The following CPZ variants were observed in gnomAD, a reference collection of about 807,000 sequenced individuals.
CPZ encodes the protein VEZT/CPZ fusion.
In CPZ, 103 loss-of-function variants were observed where a neutral mutation model predicts 61.8. The ratio of observed to expected loss-of-function variants is 1.67; its 90% CI spans 1.42 to 1.96. CPZ has a LOEUF of 1.96. CPZ is among the 30% of genes most tolerant of loss of function. The probability of loss-of-function intolerance (pLI) is 0.00; values close to 1 mark genes in which losing one functional copy is unlikely to be tolerated. For missense variants in CPZ, 1,461 were observed against 914.9 expected (o/e 1.60, Z -7.70); for synonymous variants, 551 against 373.7 (o/e 1.47, Z -5.47).
At chr4:8,612,801 G>T (rs555768565) in intron 8 of CPZ, among the ~76,000 whole-genome samples, 1 of 152,182 alleles carries the variant, frequency 6.6e-6, no homozygotes, top group African/African-American at 2.4e-5. Context: ...AGATGAGAGC[G>T]CTGGGCTCAG....
Position 8,619,421 on chromosome 4 carries a change from C to A in CPZ, c.1763C>A (p.Pro588His), listed in dbSNP as rs2109352903. 6.2e-7 allele frequency: 1 copy of A among 1,614,076 alleles called. No homozygotes were observed. Among genetic ancestry groups the A allele is most frequent in the South Asian group, 1.1e-5 (1 of 91,042 alleles). ...DFILQPLGMG[P>H]KNFIHGLRRT... ...ATTCTGCAACCTCTGGGGATGGGAC[C>A]CAAGAACTTTATTCATGGGCTGCGG... Residue 588 changes from proline (P) to histidine (H), a missense_variant, in exon 11 of 11, where the codon CCC becomes CAC. Coordinates refer to ENST00000360986, the MANE Select transcript of CPZ (RefSeq NM_001014447.3).
chr4:8,617,562 G>A (rs1308071666), intron 9 of CPZ, among the ~76,000 whole-genome samples: 1 of 152,242 alleles, frequency 6.6e-6, no homozygotes, highest in Non-Finnish European at 1.5e-5. Context: ...CTTTTATCCT[G>A]ATTTTAAGAG....
chr4:8,615,399 G>C (rs144380536), intron 9 of CPZ, among the ~76,000 whole-genome samples: 2 of 152,166 alleles, frequency 1.3e-5, no homozygotes, highest in South Asian at 4.1e-4. Context: ...GCCTGCGTTC[G>C]AAGAAGCTTC....
chr4:8,608,502 C>T (rs1056423534), intron 7 of CPZ, among the ~76,000 whole-genome samples: 1 of 152,194 alleles, frequency 6.6e-6, no homozygotes, highest in East Asian at 1.9e-4. Context: ...TCACCTGGGC[C>T]CCTCCCTGTC....
At chr4:8,599,052 T>G (rs55694120) in intron 1 of CPZ, among the ~76,000 whole-genome samples, 20,708 of 152,238 alleles carry the variant, frequency 0.14, 1,790 homozygotes, top group Non-Finnish European at 0.2. Flanking sequence ...TTCTGAGGAC[T>G]CAGCGGCTTA....
intron 7 of CPZ, among the ~76,000 whole-genome samples, chr4:8,608,147 C>T (rs1715205063): frequency 6.6e-6 from 1 of 151,752 alleles, no homozygotes; most frequent in Non-Finnish European, 1.5e-5. Flanking sequence ...CAGCCCCCAG[C>T]CCCCAGCCCC....
intron 3 of CPZ, chr4:8,603,513 C>T (rs1358207691): frequency 8.9e-5 from 15 of 167,962 alleles, no homozygotes; most frequent in Admixed American, 8.6e-4. Flanking sequence ...TCACAGCAGC[C>T]GGAGGGGGCA....
chr4:8,616,150 C>G (rs915423635), intron 9 of CPZ, among the ~76,000 whole-genome samples: 37 of 152,334 alleles, frequency 2.4e-4, no homozygotes. Context: ...CTGGCTGGCT[C>G]TTGAGACGGA....
chr4:8,619,672 G>C lies in CPZ; in HGVS notation c.*55G>C. Reference sequence around the variant, plus strand: ...AGACCGAGGCCCATCTCCGCATCCCGGGCTCCTGGCTCTTGATTTTGTCTG... The same window carrying C: ...AGACCGAGGCCCATCTCCGCATCCCCGGCTCCTGGCTCTTGATTTTGTCTG... On this transcript the variant is annotated 3_prime_UTR_variant, in exon 11 of 11. Transcript: ENST00000360986. 12 of 1,327,906 alleles carry C rather than the reference G, an allele frequency of 9.0e-6. No individual in the cohort carries two copies. The highest frequency in any genetic ancestry group is 1.5e-5 in the African/African-American group (1 of 67,372). 82.3% of individuals were successfully genotyped at this position (1,327,906 alleles called of 1,614,324 possible).
Position 8,608,351 on chromosome 4 carries a change from G to A in CPZ, c.1227+926G>A, listed in dbSNP as rs1484202336. ...GTGTTTGGGGGAAGGAGCAGGGAGAGAGGGACTGGCCCTGGGTGGGCAAGT... is the reference window on the plus strand; with the variant it reads ...GTGTTTGGGGGAAGGAGCAGGGAGAAAGGGACTGGCCCTGGGTGGGCAAGT... On this transcript the variant is annotated intron_variant, in intron 7 of 10. Coordinates refer to ENST00000360986, the MANE Select transcript of CPZ (RefSeq NM_001014447.3). 3.9e-5 allele frequency among the ~76,000 whole-genome samples: 6 copies of A among 152,208 alleles called. No individual in the cohort carries two copies. In the East Asian group the frequency reaches 1.2e-3, roughly 29 times the overall value.
chr4:8,619,600 TG>T lies in CPZ; in HGVS notation c.1944del (p.Trp648CysfsTer48), dbSNP rs774648953. 5.3e-6 allele frequency: 8 copies of T among 1,507,616 alleles called. No homozygotes were observed. Among genetic ancestry groups the T allele is most frequent in the Non-Finnish European group, 7.1e-6 (8 of 1,128,760 alleles). The allele number at this position is 1,507,616 out of a possible 1,614,324, so 93.4% of individuals were successfully genotyped here. A position where few individuals can be genotyped will look rare whatever the true frequency, so the allele number is the denominator to read the frequency against. On this transcript the variant is annotated frameshift_variant, in exon 11 of 11. Coordinates refer to ENST00000360986, the MANE Select transcript of CPZ (RefSeq NM_001014447.3). LOFTEE classifies it high-confidence loss of function. ...ATCGCTGAGCACCCACAGGCCACGC[TG>T]GCTGCTCAAGTACTAGCCCCGGCCC... ...FTSLSTHRPRWLLKY is the reference protein window; with the variant it reads ...FTSLSTHRPRXLLKY
intron 2 of CPZ, 188 bp downstream of exon 2, chr4:8,599,673 T>G: frequency 7.1e-7 from 1 of 1,414,758 alleles, no homozygotes; most frequent in East Asian, 2.6e-5. Flanking sequence ...AAAGACCAGC[T>G]AGGAAAAGGT....
chr4:8,616,325 C>T (rs148881208), intron 9 of CPZ, among the ~76,000 whole-genome samples: 4 of 152,242 alleles, frequency 2.6e-5, no homozygotes, highest in East Asian at 1.9e-4. Flanking sequence ...ACCAGAGAAC[C>T]GCATGTGCCC....
At chr4:8,616,097 A>C (rs1462279467) in intron 9 of CPZ, among the ~76,000 whole-genome samples, 1 of 152,150 alleles carries the variant, frequency 6.6e-6, no homozygotes, top group Non-Finnish European at 1.5e-5. Flanking sequence ...TTGGGATATG[A>C]AGATTTACAG....
intron 7 of CPZ, among the ~76,000 whole-genome samples, chr4:8,610,967 ATCACTCATTCAC>A (rs1396813293): frequency 6.6e-6 from 1 of 152,082 alleles, no homozygotes; most frequent in Non-Finnish European, 1.5e-5. Flanking sequence ...GCCTGGAGCA[ATCACTCATTCAC>A]TCAGTCACTC....
At position 8,619,515 on chromosome 4, in the gene CPZ, C is replaced by T. The variant is rs778826067; in HGVS notation, c.1857C>T (p.Leu619=). ...GGGAGGCCACGGAGCCCGACCCGCT[C>T]CGGGCGCGCAGGCAGCCCTCGGCCG... ...SLGEATEPDP[L]RARRQPSADG... The change falls in exon 11 of 11, where the codon CTC becomes CTT. Residue 619 remains leucine (L), a synonymous_variant. Transcript: ENST00000360986. The T allele has an allele frequency of 6.3e-6, 10 of 1,597,350 alleles. No individual in the cohort carries two copies. The East Asian group carries it at 2.0e-4, about 32-fold the overall frequency.
In CPZ at chr4:8,606,789, A is replaced by C. The variant is rs1265189318; in HGVS notation, c.959A>C (p.Asp320Ala). The C allele has an allele frequency of 6.2e-7, 1 of 1,614,162 alleles. No homozygotes were observed. The highest frequency in any genetic ancestry group is 8.5e-7 in the Non-Finnish European group (1 of 1,180,030). ...GGGAGGCAGAACGCGCAGAACCTGG[A>C]TCTGAACCGAAATTTCCCGGACCTG... ...TSGRQNAQNL[D>A]LNRNFPDLTS... The change falls in exon 6 of 11, where the codon GAT (aspartate) becomes GCT (alanine). Residue 320 changes from aspartate to alanine, a missense_variant. Physicochemically the swap from Asp to Ala is moderately radical, Grantham distance 126. Transcript: ENST00000360986.
chr4:8,598,600 C>T (rs568868509), intron 1 of CPZ, among the ~76,000 whole-genome samples: 3 of 152,268 alleles, frequency 2.0e-5, no homozygotes, highest in South Asian at 4.1e-4. Flanking sequence ...AGCCTGCCCC[C>T]TCTCTGGCCA....
rs140850654 is a variant in CPZ at position 8,606,102 on chromosome 4, C to T, written c.823C>T (p.Arg275Cys). The change falls in exon 5 of 11, where the codon CGC becomes TGC. Residue 275 changes from arginine (R) to cysteine (C), a missense_variant. By Grantham distance (180) the Arg-to-Cys change is radical (BLOSUM62 -3). Transcript: ENST00000360986. ...CTCTGAGTACCTGCTTGGTAACCCC[C>T]GCATCCAGCGCCTGCTCAACACCAC... ...LCSEYLLGNPRIQRLLNTTRI... is the reference protein window; with the variant it reads ...LCSEYLLGNPCIQRLLNTTRI... The T allele has an allele frequency of 2.2e-4, 356 of 1,614,186 alleles. 2 individuals are homozygous for T. Among genetic ancestry groups the T allele is most frequent in the Non-Finnish European group, 2.6e-4 (310 of 1,180,030 alleles).
Sources: allele counts gnomAD v4.1 joint callset (sites outside exome capture counted in the v4.1 genomes callset), GRCh38; gene constraint gnomAD v4.1.1; transcripts MANE v1.5; gene names NCBI Gene and HGNC (gene_info 2026-07-23, HGNC 2026-07-21).